IFI27L1: variants seen among roughly 807,000 people sequenced by gnomAD.
The protein encoded by IFI27L1 is interferon alpha-inducible protein 27-like protein 1.
In IFI27L1, 3 loss-of-function variants were observed where a neutral mutation model predicts 9.2. That is an observed-to-expected ratio of 0.32 (90% CI 0.15 to 0.84). IFI27L1 has a LOEUF of 0.84. IFI27L1 is among the 40% of genes least tolerant of loss of function. The pLI is 0.56. For synonymous variants in IFI27L1, 53 were observed against 50.0 expected (o/e 1.06, Z -0.26); for missense variants, 133 against 134.2 (o/e 0.99, Z 0.05).
At chr14:94,088,558 G>A (rs1014528071) in intron 1 of IFI27L1, among the ~76,000 whole-genome samples, 4 of 148,598 alleles carry the variant, frequency 2.7e-5, no homozygotes, top group Admixed American at 2.7e-4. Context: ...GGAGTGCAGT[G>A]ACACGATCTC....
rs181119578 is a variant in IFI27L1, at chr14:94,090,784, G to A, written c.-51-6103G>A. On this transcript the variant is annotated intron_variant, in intron 1 of 4. Coordinates refer to ENST00000555523, the MANE Select transcript of IFI27L1 (RefSeq NM_206949.3). ...CAGTCAAAGCCTTGGTAAAATAACC[G>A]ATGTCTCCAATTGCATCCAATTGCA... Among the ~76,000 whole-genome samples, 414 of 152,286 alleles carry A rather than the reference G, an allele frequency of 2.7e-3. 1 individual carries two copies. The highest frequency in any genetic ancestry group is 9.5e-3 in the African/African-American group (394 of 41,554).
chr14:94,094,948 G>A (rs1886613147), intron 1 of IFI27L1: 1 of 152,172 alleles, frequency 6.6e-6, no homozygotes, highest in South Asian at 2.1e-4. Flanking sequence ...GAATGGGTTA[G>A]AAGTCCAACT....
rs150961547 is a variant in IFI27L1, at chr14:94,102,016, C to G, written c.223+41C>G. 9.7e-4 allele frequency: 1,555 copies of G among 1,611,330 alleles called. 14 individuals carry two copies. The African/African-American group carries it at 0.018, about 18-fold the overall frequency. ...AGGATGACCAGAGCCAGGAGATGAT[C>G]CAGCCCCGAGGCTGAACCAGGGAGG... On this transcript the variant is annotated intron_variant, in intron 4 of 4. Coordinates refer to ENST00000555523, the MANE Select transcript of IFI27L1 (RefSeq NM_206949.3).
At chr14:94,094,171 C>T (rs548440265) in intron 1 of IFI27L1, among the ~76,000 whole-genome samples, 3 of 152,232 alleles carry the variant, frequency 2.0e-5, no homozygotes, top group East Asian at 3.9e-4. Flanking sequence ...TTAGAGGTCC[C>T]TCTCAGTAAA....
intron 2 of IFI27L1, 112 bp downstream of exon 2, chr14:94,097,077 C>A: frequency 1.3e-6 from 1 of 753,954 alleles, no homozygotes; most frequent in Non-Finnish European, 2.0e-6. Context: ...GAGAGGGAGG[C>A]TATCCATGGA....
chr14:94,096,758 C>T (rs897383582), intron 1 of IFI27L1, 129 bp from the exon 2 acceptor site: 48 of 516,584 alleles, frequency 9.3e-5, no homozygotes, highest in African/African-American at 3.5e-4. Context: ...AGTGGGTTTA[C>T]GGGATTATAT....
chr14:94,085,471 A>G (rs375259400), intron 1 of IFI27L1, among the ~76,000 whole-genome samples: 1 of 152,202 alleles, frequency 6.6e-6, no homozygotes. Flanking sequence ...GTCATCACAC[A>G]TTTCTTTATA....
chr14:94,083,912 A>G (rs1886193546), intron 1 of IFI27L1, among the ~76,000 whole-genome samples: 1 of 152,136 alleles, frequency 6.6e-6, no homozygotes, highest in Non-Finnish European at 1.5e-5. Flanking sequence ...CAACATAGCA[A>G]GACATCATCT....
At chr14:94,085,107 T>G (rs540813800) in intron 1 of IFI27L1, among the ~76,000 whole-genome samples, 1 of 152,184 alleles carries the variant, frequency 6.6e-6, no homozygotes, top group African/African-American at 2.4e-5. Context: ...GGAGTACTTA[T>G]GAATGTGTTG....
At chr14:94,096,625 C>G (rs1034093091) in intron 1 of IFI27L1, among the ~76,000 whole-genome samples, 2 of 146,498 alleles carry the variant, frequency 1.4e-5, no homozygotes, top group African/African-American at 5.1e-5. Flanking sequence ...ACCTGGGAGG[C>G]AGAGGTTGCA....
Position 94,096,989 on chromosome 14 carries a change from G to A in IFI27L1, c.28+24G>A, listed in dbSNP as rs771174065. 9 of 1,600,052 alleles carry A rather than the reference G, an allele frequency of 5.6e-6. No individual in the cohort carries two copies. In the South Asian group the frequency reaches 1.0e-4, roughly 18 times the overall value. On this transcript the variant is annotated intron_variant, in intron 2 of 4. Transcript: ENST00000555523. Reference sequence around the variant, plus strand: ...AGGTGGGTACTGCACATGATTCTGGGGGCTGCTGGTCCTTCCGAGGTGAAT... The same window carrying A: ...AGGTGGGTACTGCACATGATTCTGGAGGCTGCTGGTCCTTCCGAGGTGAAT...
chr14:94,102,191 C>CCTCCCCTCTCTGGGCCT, intron 4 of IFI27L1: 1 of 613,368 alleles, frequency 1.6e-6, no homozygotes, highest in South Asian at 2.0e-5. Context: ...AGGCAGGTCT[C>CCTCCCCTCTCTGGGCCT]CTCCCCTCTC....
chr14:94,100,362 C>T, intron 2 of IFI27L1: 1 of 985,400 alleles, frequency 1.0e-6, no homozygotes, highest in Non-Finnish European at 1.2e-6. Flanking sequence ...ACTTTGGTCC[C>T]AGCTGCCTAA....
At chr14:94,093,414 G>A (rs934913565) in intron 1 of IFI27L1, among the ~76,000 whole-genome samples, 7 of 151,798 alleles carry the variant, frequency 4.6e-5, no homozygotes, top group African/African-American at 9.7e-5. Context: ...CTCGTGATCC[G>A]CCCGCCTCAG....
At chr14:94,088,335 C>T (rs973231821) in intron 1 of IFI27L1, 1 of 702,094 alleles carries the variant, frequency 1.4e-6, no homozygotes, top group African/African-American at 1.7e-5. Context: ...ATAGATGCCC[C>T]AGAGCCAACA....
chr14:94,095,662 G>A (rs531738210), intron 1 of IFI27L1, among the ~76,000 whole-genome samples: 3 of 152,214 alleles, frequency 2.0e-5, no homozygotes, highest in African/African-American at 7.2e-5. Context: ...GAGAGGAGGA[G>A]GTACCAGCCT....
chr14:94,087,021 T>C lies in IFI27L1; in HGVS notation c.-52+5572T>C, dbSNP rs147739647. Among the ~76,000 whole-genome samples, 1,243 of 152,276 alleles carry C rather than the reference T, an allele frequency of 8.2e-3. 5 individuals carry two copies. Among genetic ancestry groups the C allele is most frequent in the South Asian group, 0.016 (77 of 4,826 alleles). On this transcript the variant is annotated intron_variant, in intron 1 of 4. Coordinates refer to ENST00000555523, the MANE Select transcript of IFI27L1 (RefSeq NM_206949.3). ...GGAAAATTCATGCCATAGTAAACTA[T>C]GTACATATTCAAGGATGTAAAGGAA...
intron 2 of IFI27L1, 151 bp downstream of exon 2, chr14:94,097,116 A>T: frequency 1.6e-6 from 1 of 643,828 alleles, no homozygotes. Context: ...GAATGACGGG[A>T]TTTTTAAATC....
At chr14:94,085,329 A>G (rs902858024) in intron 1 of IFI27L1, among the ~76,000 whole-genome samples, 1 of 152,042 alleles carries the variant, frequency 6.6e-6, no homozygotes, top group African/African-American at 2.4e-5. Flanking sequence ...CAGATTACTT[A>G]CTCTTCCTGC....
Sources: allele counts gnomAD v4.1 joint callset (sites outside exome capture counted in the v4.1 genomes callset), GRCh38; gene constraint gnomAD v4.1.1; transcripts MANE v1.5; gene names NCBI Gene and HGNC (gene_info 2026-07-23, HGNC 2026-07-21).